Variants in GOLGA3 observed in about 807,000 individuals in gnomAD.
The protein encoded by GOLGA3 is golgin subfamily A member 3.
Under a neutral mutation model 169.4 loss-of-function variants are expected in GOLGA3, and 75 were observed. That is an observed-to-expected ratio of 0.44 (90% CI 0.37 to 0.54). The LOEUF is 0.54. GOLGA3 is among the 20% of genes least tolerant of loss of function. GOLGA3 has a pLI of 0.00. For missense variants in GOLGA3, 1,899 were observed against 1,930.0 expected (o/e 0.98, Z 0.30); for synonymous variants, 824 against 822.4 (o/e 1.00, Z -0.03).
At chr12:132,796,315 A>G (rs867442868) in intron 10 of GOLGA3, 95 bp from the exon 11 acceptor site, 1 of 1,409,512 alleles carries the variant, frequency 7.1e-7, no homozygotes, top group African/African-American at 1.4e-5. Flanking sequence ...TTTGATGGAC[A>G]CTATGGAGGG....
chr12:132,812,602 A>C (rs1949772632), intron 4 of GOLGA3, among the ~76,000 whole-genome samples: 1 of 152,240 alleles, frequency 6.6e-6, no homozygotes, highest in Non-Finnish European at 1.5e-5. Flanking sequence ...TGAGGGATTC[A>C]GTGCTTCCGT....
rs3741486 is a variant in GOLGA3, at chr12:132,808,278, G to A, written c.791C>T (p.Pro264Leu). Residue 264 changes from proline to leucine, a missense_variant, in exon 5 of 24, where the codon CCG (proline) becomes CTG (leucine). By Grantham distance (98) the Pro-to-Leu change is moderately conservative. Coordinates refer to ENST00000450791, the MANE Select transcript of GOLGA3 (RefSeq NM_001389683.1). ...SNAGNSGGNVPAPDSTKGSLK... is the reference protein window; with the variant it reads ...SNAGNSGGNVLAPDSTKGSLK... Reference sequence around the variant, plus strand: ...GGAACCCTTGGTAGAATCGGGAGCCGGGACATTTCCCCCAGAATTCCCCGC... The same window carrying A: ...GGAACCCTTGGTAGAATCGGGAGCCAGGACATTTCCCCCAGAATTCCCCGC... 0.27 allele frequency: 435,861 copies of A among 1,613,844 alleles called. 63,621 individuals are homozygous for A. The highest frequency in any genetic ancestry group is 0.31 in the Non-Finnish European group (363,374 of 1,179,894).
At chr12:132,811,684 A>G (rs1329805447) in intron 4 of GOLGA3, 2 of 182,496 alleles carry the variant, frequency 1.1e-5, no homozygotes, top group African/African-American at 4.8e-5. Flanking sequence ...CTGGTCTCAA[A>G]CTCCTGACCT....
At chr12:132,792,805 C>T (rs1948621644) in intron 11 of GOLGA3, among the ~76,000 whole-genome samples, 1 of 126,050 alleles carries the variant, frequency 7.9e-6, no homozygotes. Context: ...CACGGACCCA[C>T]CCCACGGGAT....
In GOLGA3 at chr12:132,798,368, C is replaced by T. The variant is rs751934037; in HGVS notation, c.1910G>A (p.Arg637His). ...AATGCCCTGCAGCTGTGCCGCGATG[C>T]GCCCCTTCTCCTTCATGGACCTGTG... ...TQHRSMKEKG[R>H]IAAQLQGIEA... Residue 637 changes from arginine (R) to histidine (H), a missense_variant, in exon 9 of 24, where the codon CGC (arginine) becomes CAC (histidine). Coordinates refer to ENST00000450791, the MANE Select transcript of GOLGA3 (RefSeq NM_001389683.1). 19 of 1,612,920 alleles carry T rather than the reference C, an allele frequency of 1.2e-5. No individual in the cohort carries two copies. Among genetic ancestry groups the T allele is most frequent in the African/African-American group, 9.4e-5 (7 of 74,854 alleles).
At chr12:132,806,996 T>A (rs1404503223) in intron 6 of GOLGA3, among the ~76,000 whole-genome samples, 181 bp downstream of exon 6, 1 of 151,820 alleles carries the variant, frequency 6.6e-6, no homozygotes, top group Non-Finnish European at 1.5e-5. Context: ...GGCAGAAAAC[T>A]CACAACTCTT....
At chr12:132,808,600 A>G in intron 4 of GOLGA3, 51 bp from the exon 5 acceptor site, 1 of 1,441,986 alleles carries the variant, frequency 6.9e-7, no homozygotes, top group South Asian at 1.3e-5. Context: ...CACAAGCAGC[A>G]TACTTAAAAC....
chr12:132,814,316 G>A (rs1162436839), intron 3 of GOLGA3, among the ~76,000 whole-genome samples: 1 of 152,060 alleles, frequency 6.6e-6, no homozygotes, highest in African/African-American at 2.4e-5. Flanking sequence ...GAGCCACCGT[G>A]CCCGGCAGCA....
At chr12:132,792,173 G>A (rs1027982596) in intron 11 of GOLGA3, among the ~76,000 whole-genome samples, 16 of 152,176 alleles carry the variant, frequency 1.1e-4, no homozygotes, top group South Asian at 2.1e-4. Flanking sequence ...GTGTTCTGAC[G>A]GGAACTGGTG....
intron 21 of GOLGA3, among the ~76,000 whole-genome samples, chr12:132,775,817 A>C (rs960530284): frequency 6.6e-6 from 1 of 152,108 alleles, no homozygotes; most frequent in African/African-American, 2.4e-5. Context: ...TAGCAATTAC[A>C]CTCCTTTCCC....
chr12:132,805,910 G>A (rs1361722508), intron 6 of GOLGA3, among the ~76,000 whole-genome samples: 2 of 151,934 alleles, frequency 1.3e-5, no homozygotes, highest in Admixed American at 6.6e-5. Flanking sequence ...GATCTGGGGG[G>A]AAATGGGCAA....
rs746380743 is a variant in GOLGA3 at position 132,784,004 on chromosome 12, CCA to C, written c.3267+158_3267+159del. ...AGGGCTGGAATCAGGGCCTGCCCCA[CCA>C]CAGAGCCAGAGGCCGACGGTCAGAA... On this transcript the variant is annotated intron_variant, in intron 16 of 23. Transcript: ENST00000450791. The C allele has an allele frequency of 2.7e-6, 4 of 1,505,070 alleles. 1 individual carries two copies. The South Asian group carries it at 5.1e-5, about 19-fold the overall frequency. 93.2% of individuals were successfully genotyped at this position (1,505,070 alleles called of 1,614,324 possible).
At position 132,777,035 on chromosome 12, in the gene GOLGA3, C is replaced by T. The variant is rs375782880; in HGVS notation, c.3778G>A (p.Glu1260Lys). The T allele has an allele frequency of 9.9e-6, 16 of 1,611,008 alleles. No homozygotes were observed. Among genetic ancestry groups the T allele is most frequent in the Middle Eastern group, 1.6e-4 (1 of 6,068 alleles). ...AGGAGCTGGAGCTGTGCCCGGGCCTCGGCCAGCTCTGCTTGGAACTGTGCT... is the reference window on the plus strand; with the variant it reads ...AGGAGCTGGAGCTGTGCCCGGGCCTTGGCCAGCTCTGCTTGGAACTGTGCT... Reference protein sequence around the residue: ...EIAQFQAELAEARAQLQLLQK... With the variant: ...EIAQFQAELAKARAQLQLLQK... The change falls in exon 20 of 24, where the codon GAG (glutamate) becomes AAG (lysine). Residue 1260 changes from glutamate (E) to lysine (K), a missense_variant. Transcript: ENST00000450791. The surrounding 1 kb of genome is among the most constrained non-coding windows in gnomAD (Gnocchi z 4.7).
intron 17 of GOLGA3, among the ~76,000 whole-genome samples, chr12:132,781,242 G>A (rs545201185): frequency 8.9e-4 from 135 of 151,946 alleles, no homozygotes; most frequent in Non-Finnish European, 1.6e-3. Flanking sequence ...CCTCCACTCC[G>A]GGCAAGAGCC....
intron 1 of GOLGA3, among the ~76,000 whole-genome samples, chr12:132,824,450 T>C (rs1025716694): frequency 2.0e-5 from 3 of 152,246 alleles, no homozygotes; most frequent in African/African-American, 7.2e-5. Context: ...ATTAAGGGTT[T>C]GTAACCAGAA....
intron 10 of GOLGA3, 102 bp from the exon 11 acceptor site, chr12:132,796,322 AG>A: frequency 7.2e-7 from 1 of 1,391,378 alleles, no homozygotes; most frequent in Non-Finnish European, 9.6e-7. Context: ...GACACTATGG[AG>A]GGTCTTTTTT....
chr12:132,791,484 T>A (rs1055772217), intron 11 of GOLGA3, among the ~76,000 whole-genome samples, 191 bp from the exon 12 acceptor site: 21 of 140,032 alleles, frequency 1.5e-4, no homozygotes, highest in East Asian at 1.3e-3. Context: ...CAGAGATGTT[T>A]CACTGAGGGC....
chr12:132,798,511 T>G, intron 8 of GOLGA3, 34 bp from the exon 9 acceptor site: 2 of 1,578,388 alleles, frequency 1.3e-6, no homozygotes, highest in African/African-American at 2.8e-5. Flanking sequence ...AAAAAGTTGC[T>G]CAATTTCAAG....
chr12:132,814,588 C>A (rs1377111697), intron 3 of GOLGA3, among the ~76,000 whole-genome samples: 1 of 152,222 alleles, frequency 6.6e-6, no homozygotes, highest in African/African-American at 2.4e-5. Flanking sequence ...ACGCACAGCT[C>A]ATCTCAGCTC....
Sources: allele counts gnomAD v4.1 joint callset (sites outside exome capture counted in the v4.1 genomes callset), GRCh38; gene constraint gnomAD v4.1.1; non-coding constraint Gnocchi (gnomAD v3.1); transcripts MANE v1.5; gene names NCBI Gene and HGNC (gene_info 2026-07-23, HGNC 2026-07-21).